ZNF10: variants seen among roughly 807,000 people sequenced by gnomAD.
ZNF10 encodes zinc finger protein 10 (KOX 1).
ZNF10 carries 8 observed loss-of-function variants against 12.2 expected under a neutral mutation model. The observed-to-expected ratio is 0.66, with a 90% CI of 0.39 to 1.18. The LOEUF (loss-of-function observed/expected upper bound fraction) is 1.18, where lower values mean the gene tolerates loss of function less well. Among genes scored for constraint, ZNF10 ranks in the 50% most tolerant of loss-of-function variants. The pLI is 0.01. For missense variants in ZNF10, 603 were observed against 678.9 expected (o/e 0.89, Z 1.24); for synonymous variants, 229 against 228.2 (o/e 1.00, Z -0.03).
rs774720042 is a variant in ZNF10, at chr12:133,144,496, G to A, written c.4G>A (p.Asp2Asn). 6.2e-7 allele frequency: 1 copy of A among 1,613,862 alleles called. No homozygotes were observed. The highest frequency in any genetic ancestry group is 8.5e-7 in the Non-Finnish European group (1 of 1,179,932). M[D>N]AKSLTAWSRT... ...TATCATCAAGAACAAGGAGGGCATG[G>A]ATGCTAAGTCACTAACTGCCTGGTC... The change falls in exon 2 of 5, where the codon GAT (aspartate) becomes AAT (asparagine). Residue 2 changes from aspartate (D) to asparagine (N), a missense_variant. Coordinates refer to ENST00000248211, the MANE Select transcript of ZNF10 (RefSeq NM_015394.5).
chr12:133,154,124 G>C (rs933466563), intron 4 of ZNF10, among the ~76,000 whole-genome samples: 1 of 151,266 alleles, frequency 6.6e-6, no homozygotes, highest in Non-Finnish European at 1.5e-5. Flanking sequence ...GTCGGCGGGG[G>C]GGATACAGTT....
chr12:133,144,383 G>A, intron 1 of ZNF10, 51 bp from the exon 2 acceptor site: 2 of 1,132,576 alleles, frequency 1.8e-6, no homozygotes, highest in Non-Finnish European at 2.6e-6. Flanking sequence ...GACAATTTAG[G>A]GAGCCTCCCA....
intron 2 of ZNF10, chr12:133,144,768 T>C: frequency 2.0e-6 from 1 of 500,694 alleles, no homozygotes; most frequent in Non-Finnish European, 3.6e-6. Flanking sequence ...GTGGAAAATA[T>C]GACAGAATGG....
intron 2 of ZNF10, among the ~76,000 whole-genome samples, chr12:133,147,908 C>T (rs1199035004): frequency 6.6e-6 from 1 of 151,224 alleles, no homozygotes; most frequent in Admixed American, 6.6e-5. Flanking sequence ...CTCCCAAAGT[C>T]TGGGATTACA....
chr12:133,157,257 G>A lies in ZNF10; in HGVS notation c.*289G>A. On this transcript the variant is annotated 3_prime_UTR_variant, in exon 5 of 5. Transcript: ENST00000248211. The stretch of plus-strand genomic sequence containing the variant: ...TCTGAGAAGGAATTATTAAATAGGT[G>A]AGTTGTTGAGCGAGAACCCCTTCAT... 2 of 252,978 alleles carry A rather than the reference G, an allele frequency of 7.9e-6. No individual in the cohort carries two copies. Among genetic ancestry groups the A allele is most frequent in the Non-Finnish European group, 1.5e-5 (2 of 134,586 alleles). 15.7% of individuals were successfully genotyped at this position (252,978 alleles called of 1,614,324 possible). A position where few individuals can be genotyped will look rare whatever the true frequency, so the allele number is the denominator to read the frequency against.
intron 1 of ZNF10, among the ~76,000 whole-genome samples, chr12:133,140,777 A>G (rs933757211): frequency 6.6e-6 from 1 of 151,890 alleles, no homozygotes; most frequent in Non-Finnish European, 1.5e-5. Flanking sequence ...TTGTTCCTGT[A>G]TATTGTTTGC....
chr12:133,155,106 A>G (rs909788056), intron 4 of ZNF10, among the ~76,000 whole-genome samples: 1 of 152,076 alleles, frequency 6.6e-6, no homozygotes, highest in Non-Finnish European at 1.5e-5. Context: ...AGAATACTAA[A>G]TTGATAGTAA....
chr12:133,154,813 A>G (rs530099246), intron 4 of ZNF10, among the ~76,000 whole-genome samples: 1 of 152,322 alleles, frequency 6.6e-6, no homozygotes, highest in Non-Finnish European at 1.5e-5. Context: ...GCACTGGCTC[A>G]CGCCTATAAT....
chr12:133,136,436 T>C (rs1302140499), intron 1 of ZNF10, among the ~76,000 whole-genome samples: 1 of 152,202 alleles, frequency 6.6e-6, no homozygotes, highest in African/African-American at 2.4e-5. Flanking sequence ...TATCTAACTC[T>C]ATTTTGATCT....
At chr12:133,146,426 A>G (rs1343090799) in intron 2 of ZNF10, among the ~76,000 whole-genome samples, 1 of 152,222 alleles carries the variant, frequency 6.6e-6, no homozygotes, top group Non-Finnish European at 1.5e-5. Context: ...GATATCCAGC[A>G]TACAGATCTC....
intron 2 of ZNF10, among the ~76,000 whole-genome samples, chr12:133,145,781 C>T (rs567490447): frequency 1.8e-4 from 27 of 151,480 alleles, no homozygotes; most frequent in Admixed American, 8.5e-4. Context: ...CTCCAGCCCG[C>T]GTGTCAGAGC....
intron 1 of ZNF10, among the ~76,000 whole-genome samples, chr12:133,134,643 G>T (rs986685279): frequency 6.6e-5 from 10 of 152,144 alleles, no homozygotes; most frequent in Non-Finnish European, 1.5e-4. Flanking sequence ...AACTAATATA[G>T]CCCTCTGTCC....
intron 1 of ZNF10, among the ~76,000 whole-genome samples, chr12:133,135,389 C>T (rs1955905013): frequency 6.6e-6 from 1 of 151,384 alleles, no homozygotes; most frequent in Non-Finnish European, 1.5e-5. Flanking sequence ...GCAGCCAAAA[C>T]AGGAAATAAA....
intron 1 of ZNF10, chr12:133,143,732 A>G (rs1047087592): frequency 6.6e-6 from 1 of 152,264 alleles, no homozygotes; most frequent in Non-Finnish European, 1.5e-5. Flanking sequence ...AGCTTCAAAC[A>G]GCATTTCCTT....
intron 1 of ZNF10, among the ~76,000 whole-genome samples, chr12:133,139,969 C>G (rs1263308589): frequency 1.3e-5 from 2 of 151,800 alleles, no homozygotes; most frequent in Non-Finnish European, 2.9e-5. Context: ...TTTGAGAGGC[C>G]AAAGCAGGAG....
chr12:133,147,069 T>C (rs1955981032), intron 2 of ZNF10, among the ~76,000 whole-genome samples: 1 of 152,244 alleles, frequency 6.6e-6, no homozygotes, highest in African/African-American at 2.4e-5. Context: ...CATCTGTTGT[T>C]GCATGAGTCA....
Position 133,144,422 on chromosome 12 carries a change from T to G in ZNF10, c.-59-12T>G. ...ATAGCAAACTTAACTTATGTTTCTTTCTTTTTCCCAGCTTTGTCTCCTCAG... is the reference window on the plus strand; with the variant it reads ...ATAGCAAACTTAACTTATGTTTCTTGCTTTTTCCCAGCTTTGTCTCCTCAG... On this transcript the variant is annotated splice_polypyrimidine_tract_variant and intron_variant, in intron 1 of 4. Transcript: ENST00000248211. The G allele has an allele frequency of 1.3e-6, 2 of 1,540,300 alleles. No individual in the cohort carries two copies. Among genetic ancestry groups the G allele is most frequent in the Non-Finnish European group, 1.8e-6 (2 of 1,122,956 alleles).
intron 2 of ZNF10, among the ~76,000 whole-genome samples, chr12:133,146,615 G>A (rs1174679022): frequency 6.6e-6 from 1 of 152,154 alleles, no homozygotes; most frequent in Non-Finnish European, 1.5e-5. Flanking sequence ...GGAGGCGGAG[G>A]CGGGTGGATC....
intron 1 of ZNF10, among the ~76,000 whole-genome samples, chr12:133,142,738 A>T (rs1313242801): frequency 1.3e-5 from 2 of 152,224 alleles, no homozygotes; most frequent in African/African-American, 2.4e-5. Context: ...ATGCATATAT[A>T]TTCCTGGTGT....
Sources: gnomAD v4.1 joint callset for allele counts (sites outside exome capture counted in the v4.1 genomes callset) on GRCh38, gnomAD v4.1.1 for gene constraint, MANE v1.5 for transcripts, NCBI Gene and HGNC (gene_info 2026-07-23, HGNC 2026-07-21) for gene names.